Variants in CNTN5 observed in about 807,000 individuals in gnomAD.
CNTN5 encodes the protein contactin-5.
CNTN5 carries 77 observed loss-of-function variants against 129.1 expected under a neutral mutation model. That is an observed-to-expected ratio of 0.60 (90% confidence interval 0.50 to 0.72). The LOEUF (loss-of-function observed/expected upper bound fraction) is 0.72, where lower values mean the gene tolerates loss of function less well. Ranked by LOEUF, CNTN5 falls within the 30% of genes least tolerant of loss-of-function variation. CNTN5 has a pLI of 0.00. For synonymous variants in CNTN5, 509 were observed against 465.6 expected, an observed-to-expected ratio of 1.09 and a Z score of -1.20; for missense variants, 1,478 against 1,328.8, an observed-to-expected ratio of 1.11 and a Z score of -1.75.
At chr11:100,144,865 A>G (rs985991540) in intron 13 of CNTN5, among the ~76,000 whole-genome samples, 3 of 151,384 alleles carry the variant, frequency 2.0e-5, no homozygotes, top group East Asian at 2.0e-4. Flanking sequence ...TCAGTGTGCT[A>G]GTTTCCTTCC....
intron 6 of CNTN5, among the ~76,000 whole-genome samples, chr11:99,847,165 C>T (rs562272656): frequency 1.3e-5 from 2 of 152,276 alleles, no homozygotes; most frequent in East Asian, 3.9e-4. Flanking sequence ...GCCTGTATGT[C>T]AGTTGTTTTT....
intron 3 of CNTN5, among the ~76,000 whole-genome samples, chr11:99,771,735 G>A (rs980002632): frequency 1.3e-5 from 2 of 151,928 alleles, no homozygotes; most frequent in Non-Finnish European, 2.9e-5. Context: ...AGCATGTCAA[G>A]TAAGGTTAAT....
intron 16 of CNTN5, chr11:100,225,337 A>G (rs1949349027): frequency 6.6e-6 from 1 of 152,412 alleles, no homozygotes; most frequent in Admixed American, 6.5e-5. Context: ...TGACAGTTAA[A>G]TGGTTTCCAG....
intron 3 of CNTN5, among the ~76,000 whole-genome samples, chr11:99,785,287 A>G (rs1005396514): frequency 6.6e-6 from 1 of 151,978 alleles, no homozygotes; most frequent in Non-Finnish European, 1.5e-5. Context: ...TTCTTTGTAG[A>G]TTATGGATAT....
intron 6 of CNTN5, among the ~76,000 whole-genome samples, chr11:99,895,541 G>A (rs1011358217): frequency 4.6e-5 from 7 of 152,144 alleles, no homozygotes; most frequent in African/African-American, 1.2e-4. Context: ...CCAGGGAAGT[G>A]ACAGGACCCA....
intron 17 of CNTN5, among the ~76,000 whole-genome samples, chr11:100,268,536 A>C (rs564258422): frequency 7.2e-4 from 109 of 152,298 alleles, no homozygotes; most frequent in African/African-American, 1.9e-3. Context: ...AGCTGTGTCA[A>C]ATGCTACTGA....
At chr11:99,283,078 A>T (rs527571317) in intron 1 of CNTN5, among the ~76,000 whole-genome samples, 2 of 152,078 alleles carry the variant, frequency 1.3e-5, no homozygotes, top group Non-Finnish European at 2.9e-5. Flanking sequence ...GGGCAAGAAG[A>T]GCATGTTGGA....
chr11:99,269,873 A>G (rs998174306), intron 1 of CNTN5, among the ~76,000 whole-genome samples: 1 of 151,966 alleles, frequency 6.6e-6, no homozygotes, highest in Non-Finnish European at 1.5e-5. Context: ...GTTTTATATT[A>G]TAATTGATAC....
chr11:99,457,944 C>A (rs916066888), intron 2 of CNTN5, among the ~76,000 whole-genome samples: 1 of 151,682 alleles, frequency 6.6e-6, no homozygotes, highest in Non-Finnish European at 1.5e-5. Flanking sequence ...TTGTTGACAT[C>A]CTACATTTTC....
chr11:99,912,703 A>G (rs1255372116), intron 6 of CNTN5, among the ~76,000 whole-genome samples: 3 of 148,742 alleles, frequency 2.0e-5, no homozygotes, highest in Non-Finnish European at 4.4e-5. Flanking sequence ...TCTCCAAGCT[A>G]CAGTTCTAGT....
At chr11:99,035,647 T>G (rs1404906874) in intron 1 of CNTN5, among the ~76,000 whole-genome samples, 1 of 151,422 alleles carries the variant, frequency 6.6e-6, no homozygotes, top group East Asian at 1.9e-4. Flanking sequence ...ATCCTTTTAT[T>G]TTGAGCCTAT....
chr11:99,103,490 A>C (rs1003758390), intron 1 of CNTN5, among the ~76,000 whole-genome samples: 1 of 151,990 alleles, frequency 6.6e-6, no homozygotes, highest in Admixed American at 6.6e-5. Flanking sequence ...TTATTCTCCC[A>C]TGTGGACCTT....
chr11:99,165,053 C>A (rs1445620061), intron 1 of CNTN5, among the ~76,000 whole-genome samples: 1 of 152,128 alleles, frequency 6.6e-6, no homozygotes, highest in Non-Finnish European at 1.5e-5. Context: ...CACTAGCAAA[C>A]ATTCTTTAAA....
chr11:100,037,168 T>A (rs1284345240), intron 9 of CNTN5, among the ~76,000 whole-genome samples: 1 of 120,128 alleles, frequency 8.3e-6, no homozygotes, highest in Non-Finnish European at 1.7e-5. Flanking sequence ...ATTAAGAGTT[T>A]TTAGCATGAA....
At chr11:100,008,565 C>T (rs1388362748) in intron 9 of CNTN5, among the ~76,000 whole-genome samples, 3 of 152,076 alleles carry the variant, frequency 2.0e-5, no homozygotes, top group Non-Finnish European at 4.4e-5. Context: ...AGTCTCTGTT[C>T]TCAAAGAAAT....
chr11:99,451,174 A>T (rs925983087), intron 2 of CNTN5, among the ~76,000 whole-genome samples: 2 of 152,082 alleles, frequency 1.3e-5, no homozygotes, highest in African/African-American at 4.8e-5. Flanking sequence ...AGGATGGAAA[A>T]TTTTAAAATT....
chr11:99,733,122 G>A (rs1943587881), intron 3 of CNTN5, among the ~76,000 whole-genome samples: 1 of 151,928 alleles, frequency 6.6e-6, no homozygotes, highest in Non-Finnish European at 1.5e-5. Flanking sequence ...TCAGGAGTTC[G>A]AGACAAGCCC....
intron 3 of CNTN5, among the ~76,000 whole-genome samples, chr11:99,586,883 C>G (rs1459180864): frequency 6.6e-6 from 1 of 152,158 alleles, no homozygotes; most frequent in African/African-American, 2.4e-5. Context: ...TAACTCAGGG[C>G]ACCATAAAGT....
rs183718846 is a variant in CNTN5, at chr11:100,008,166, C to G, written c.980+6030C>G. Among the ~76,000 whole-genome samples, 5 of 152,084 alleles carry G rather than the reference C, an allele frequency of 3.3e-5. No individual in the cohort carries two copies. In the East Asian group the frequency reaches 9.7e-4, roughly 29 times the overall value. ...GATGACTAATCACAGATCATTATAA[C>G]AGACATAATAAAAAATTGAGATGCT... On this transcript the variant is annotated intron_variant, in intron 9 of 24. Transcript: ENST00000524871.
Sources: allele counts gnomAD v4.1 joint callset (sites outside exome capture counted in the v4.1 genomes callset), GRCh38; gene constraint gnomAD v4.1.1; transcripts MANE v1.5; gene names NCBI Gene and HGNC (gene_info 2026-07-23, HGNC 2026-07-21).